The following GPC5 variants were observed in gnomAD, a reference collection of about 807,000 sequenced individuals.
GPC5 encodes the protein glypican 5.
In GPC5, 47 loss-of-function variants were observed where a neutral mutation model predicts 53.9. That is an observed-to-expected ratio of 0.87 (90% CI 0.69 to 1.11). GPC5 has a LOEUF of 1.11. Ranked by LOEUF, GPC5 falls within the 50% of genes most tolerant of loss-of-function variation. The pLI is 0.00. For synonymous variants in GPC5, 286 were observed against 263.3 expected (o/e 1.09, Z -0.84); for missense variants, 748 against 713.1 (o/e 1.05, Z -0.56).
At chr13:91,772,077 G>A (rs2037635194) in intron 5 of GPC5, among the ~76,000 whole-genome samples, 1 of 152,156 alleles carries the variant, frequency 6.6e-6, no homozygotes, top group Non-Finnish European at 1.5e-5. Context: ...GAGTGGAACC[G>A]AGCCCAATCT....
chr13:92,126,013 G>A (rs1180090057), intron 6 of GPC5, among the ~76,000 whole-genome samples: 2 of 115,446 alleles, frequency 1.7e-5, no homozygotes, highest in Non-Finnish European at 3.3e-5. Flanking sequence ...GGAGTGCAGT[G>A]GCACAATCTT....
At chr13:92,570,145 A>T (rs1882981820) in intron 7 of GPC5, among the ~76,000 whole-genome samples, 1 of 152,202 alleles carries the variant, frequency 6.6e-6, no homozygotes, top group South Asian at 2.1e-4. Context: ...TGACAATCAT[A>T]AAAGAAGAGC....
chr13:92,268,194 T>C (rs1290362687), intron 7 of GPC5, among the ~76,000 whole-genome samples: 4 of 152,082 alleles, frequency 2.6e-5, no homozygotes, highest in Admixed American at 6.5e-5. Flanking sequence ...TAGCTCACTG[T>C]ATTTTAATTA....
At chr13:92,835,286 C>T (rs1279257101) in intron 7 of GPC5, among the ~76,000 whole-genome samples, 1 of 151,796 alleles carries the variant, frequency 6.6e-6, no homozygotes, top group Non-Finnish European at 1.5e-5. Flanking sequence ...TCTAATTTTG[C>T]TGTTTCTTTC....
intron 6 of GPC5, among the ~76,000 whole-genome samples, chr13:92,144,000 A>G (rs1342959758): frequency 6.6e-6 from 1 of 152,122 alleles, no homozygotes; most frequent in Non-Finnish European, 1.5e-5. Flanking sequence ...GCTCTCCAAA[A>G]CCACCTTAGA....
chr13:92,074,536 T>C (rs1322613704), intron 6 of GPC5, among the ~76,000 whole-genome samples: 3 of 152,304 alleles, frequency 2.0e-5, no homozygotes, highest in Middle Eastern at 6.8e-3. Context: ...GATATCATAG[T>C]TGGCCAGTAA....
intron 6 of GPC5, among the ~76,000 whole-genome samples, chr13:92,012,703 G>A (rs2040672414): frequency 6.6e-6 from 1 of 152,208 alleles, no homozygotes; most frequent in Admixed American, 6.5e-5. Context: ...ATTGGTCACA[G>A]AGTAATAATA....
chr13:92,132,454 C>T (rs2041752077), intron 6 of GPC5, among the ~76,000 whole-genome samples: 1 of 152,086 alleles, frequency 6.6e-6, no homozygotes, highest in South Asian at 2.1e-4. Context: ...AAGGTAGTTT[C>T]CTCCAGAAGG....
At chr13:92,301,914 T>TA (rs1490212722) in intron 7 of GPC5, among the ~76,000 whole-genome samples, 100 of 150,490 alleles carry the variant, frequency 6.6e-4, no homozygotes, top group East Asian at 7.8e-4. Flanking sequence ...ATAAATAAAT[T>TA]AATTAATTAA....
intron 7 of GPC5, among the ~76,000 whole-genome samples, chr13:92,169,230 C>T (rs1242520390): frequency 6.6e-6 from 1 of 152,112 alleles, no homozygotes; most frequent in Non-Finnish European, 1.5e-5. Flanking sequence ...CTAATGCATG[C>T]TGGGCTTAAT....
intron 2 of GPC5, among the ~76,000 whole-genome samples, chr13:91,511,304 G>C (rs1438035274): frequency 6.6e-6 from 1 of 152,034 alleles, no homozygotes; most frequent in Non-Finnish European, 1.5e-5. Flanking sequence ...ACTGCTTTTA[G>C]TATATTTTCT....
intron 7 of GPC5, among the ~76,000 whole-genome samples, chr13:92,648,111 A>G (rs545491099): frequency 2.6e-5 from 4 of 152,206 alleles, no homozygotes; most frequent in African/African-American, 9.6e-5. Flanking sequence ...AAATATATAC[A>G]TATGTGATTA....
intron 6 of GPC5, among the ~76,000 whole-genome samples, chr13:91,908,482 T>A (rs1189520760): frequency 2.6e-5 from 4 of 152,142 alleles, no homozygotes; most frequent in South Asian, 4.1e-4. Context: ...AGGTCATAGA[T>A]GAATAATATG....
At chr13:91,894,906 A>C (rs1304876420) in intron 5 of GPC5, among the ~76,000 whole-genome samples, 5 of 152,204 alleles carry the variant, frequency 3.3e-5, no homozygotes. Flanking sequence ...TTAATTTTGC[A>C]GAAACTAGAG....
intron 2 of GPC5, among the ~76,000 whole-genome samples, chr13:91,557,336 C>G (rs1353770185): frequency 1.3e-5 from 2 of 152,050 alleles, no homozygotes; most frequent in East Asian, 3.9e-4. Flanking sequence ...TGCTTATTTG[C>G]CTGCCTTTTA....
chr13:92,141,445 T>C (rs747524353), intron 6 of GPC5, among the ~76,000 whole-genome samples: 12 of 152,168 alleles, frequency 7.9e-5, no homozygotes, highest in Non-Finnish European at 1.8e-4. Context: ...AAGGTTTTTC[T>C]GAGAGCTTGT....
intron 7 of GPC5, among the ~76,000 whole-genome samples, chr13:92,220,605 T>C (rs971801028): frequency 5.9e-5 from 9 of 152,212 alleles, no homozygotes; most frequent in African/African-American, 2.2e-4. Context: ...TTAGAGACTG[T>C]GATTTTTAAA....
At chr13:92,790,459 G>T (rs1370191650) in intron 7 of GPC5, among the ~76,000 whole-genome samples, 1 of 152,152 alleles carries the variant, frequency 6.6e-6, no homozygotes, top group Non-Finnish European at 1.5e-5. Context: ...AGATTAAAAA[G>T]AGAATGATGG....
At chr13:91,729,639 A>G (rs2036651598) in intron 4 of GPC5, among the ~76,000 whole-genome samples, 1 of 152,096 alleles carries the variant, frequency 6.6e-6, no homozygotes, top group Non-Finnish European at 1.5e-5. Context: ...ATTGCTGGCT[A>G]TTTTCTACAG....
Sources: gnomAD v4.1 joint callset for allele counts (sites outside exome capture counted in the v4.1 genomes callset) on GRCh38, gnomAD v4.1.1 for gene constraint, MANE v1.5 for transcripts, NCBI Gene and HGNC (gene_info 2026-07-23, HGNC 2026-07-21) for gene names.